Variants in SGCZ observed in about 807,000 individuals in gnomAD.
SGCZ encodes sarcoglycan zeta, also known as zeta-sarcoglycan.
SGCZ carries 40 observed loss-of-function variants against 41.3 expected under a neutral mutation model. The observed-to-expected ratio is 0.97, with a 90% CI of 0.75 to 1.26. SGCZ has a LOEUF of 1.26. Ranked by LOEUF, SGCZ falls within the 50% of genes most tolerant of loss-of-function variation. SGCZ has a pLI of 0.00. For missense variants in SGCZ, 552 were observed against 369.8 expected (o/e 1.49, Z -4.04); for synonymous variants, 206 against 137.5 (o/e 1.50, Z -3.49).
intron 1 of SGCZ, among the ~76,000 whole-genome samples, chr8:14,833,780 T>A (rs971592029): frequency 3.3e-5 from 5 of 151,378 alleles, no homozygotes; most frequent in African/African-American, 9.7e-5. Context: ...AGTCTTTCAA[T>A]CTTGGAAGAA....
intron 3 of SGCZ, among the ~76,000 whole-genome samples, chr8:14,283,394 G>C (rs1303513756): frequency 1.3e-5 from 2 of 152,140 alleles, no homozygotes; most frequent in Non-Finnish European, 2.9e-5. Flanking sequence ...GAATGCAAGA[G>C]ATGAGAATAT....
At chr8:14,722,402 A>C (rs1221305492) in intron 1 of SGCZ, among the ~76,000 whole-genome samples, 1 of 152,124 alleles carries the variant, frequency 6.6e-6, no homozygotes, top group African/African-American at 2.4e-5. Context: ...ATATTTTCTC[A>C]GAAATTGAAT....
At chr8:15,168,911 A>G (rs1799746783) in intron 1 of SGCZ, among the ~76,000 whole-genome samples, 1 of 152,236 alleles carries the variant, frequency 6.6e-6, no homozygotes, top group Admixed American at 6.5e-5. Flanking sequence ...GCATGCTGGC[A>G]AAAGGCTGAA....
At chr8:14,122,908 CT>C (rs1421984083) in intron 5 of SGCZ, among the ~76,000 whole-genome samples, 1 of 152,038 alleles carries the variant, frequency 6.6e-6, no homozygotes, top group Non-Finnish European at 1.5e-5. Flanking sequence ...GTTTATCATT[CT>C]TTTTAAAAGG....
chr8:14,831,581 C>G (rs558814045), intron 1 of SGCZ, among the ~76,000 whole-genome samples: 14 of 151,222 alleles, frequency 9.3e-5, no homozygotes, highest in Admixed American at 5.9e-4. Flanking sequence ...TTCTCCTAAA[C>G]ATGTCTACAA....
chr8:14,505,953 C>T (rs1802292393), intron 2 of SGCZ, among the ~76,000 whole-genome samples: 1 of 152,120 alleles, frequency 6.6e-6, no homozygotes, highest in East Asian at 1.9e-4. Flanking sequence ...TTTACTCTCT[C>T]ATGTGCCTAT....
At chr8:14,616,716 A>G (rs1022227202) in intron 1 of SGCZ, among the ~76,000 whole-genome samples, 2 of 152,134 alleles carry the variant, frequency 1.3e-5, no homozygotes, top group Non-Finnish European at 2.9e-5. Flanking sequence ...TTTAATTTAG[A>G]CTAGATATAA....
intron 2 of SGCZ, chr8:14,332,700 A>G (rs995115782): frequency 2.6e-5 from 4 of 151,768 alleles, no homozygotes; most frequent in Admixed American, 1.3e-4. Flanking sequence ...ACTACAAATA[A>G]GGAACCACCC....
At chr8:15,190,931 T>C (rs1417254256) in intron 1 of SGCZ, among the ~76,000 whole-genome samples, 1 of 152,040 alleles carries the variant, frequency 6.6e-6, no homozygotes, top group Non-Finnish European at 1.5e-5. Flanking sequence ...TTAGAAATAA[T>C]TAATTTCTTT....
chr8:14,485,353 C>T (rs1801644095), intron 2 of SGCZ, among the ~76,000 whole-genome samples: 1 of 152,202 alleles, frequency 6.6e-6, no homozygotes, highest in African/African-American at 2.4e-5. Flanking sequence ...TCTCCCGCCT[C>T]AGCCTCCCGA....
chr8:14,901,264 G>A (rs1410254192), intron 1 of SGCZ, among the ~76,000 whole-genome samples: 1 of 152,120 alleles, frequency 6.6e-6, no homozygotes, highest in Admixed American at 6.6e-5. Context: ...AAAATCCTGT[G>A]ATGACTCACT....
intron 1 of SGCZ, among the ~76,000 whole-genome samples, chr8:14,613,945 G>A (rs1263414074): frequency 6.6e-6 from 1 of 152,134 alleles, no homozygotes; most frequent in Admixed American, 6.5e-5. Flanking sequence ...ACAATTGAGT[G>A]ATTTATAGAT....
rs574106318 is a variant in SGCZ at position 14,923,950 on chromosome 8, C to T, written c.39+313635G>A. On this transcript the variant is annotated intron_variant, in intron 1 of 7. Coordinates refer to ENST00000382080, the MANE Select transcript of SGCZ (RefSeq NM_139167.4). ...CAGAAAGAAGCCTTCTCAGAGCTTC[C>T]CTTATGTGACAAAAGGCAGCAACTT... Among the ~76,000 whole-genome samples, 4 of 152,150 alleles carry T rather than the reference C, an allele frequency of 2.6e-5. No individual in the cohort carries two copies. The South Asian group carries it at 8.3e-4, about 32-fold the overall frequency.
chr8:15,145,188 G>T (rs891857633), intron 1 of SGCZ, among the ~76,000 whole-genome samples: 4 of 152,122 alleles, frequency 2.6e-5, no homozygotes, highest in Admixed American at 2.6e-4. Flanking sequence ...TTACGATTCT[G>T]AAATTCAGCC....
At chr8:14,337,362 A>G (rs1015566312) in intron 2 of SGCZ, among the ~76,000 whole-genome samples, 1 of 152,128 alleles carries the variant, frequency 6.6e-6, no homozygotes, top group African/African-American at 2.4e-5. Flanking sequence ...AAGCCCAATC[A>G]GCAGGTATCA....
intron 3 of SGCZ, among the ~76,000 whole-genome samples, chr8:14,264,216 C>A (rs1245992890): frequency 6.6e-6 from 1 of 152,180 alleles, no homozygotes; most frequent in Non-Finnish European, 1.5e-5. Context: ...GTGGGAATGG[C>A]TACTTAATCC....
intron 3 of SGCZ, among the ~76,000 whole-genome samples, chr8:14,243,918 T>C (rs1486557232): frequency 6.6e-6 from 1 of 152,220 alleles, no homozygotes; most frequent in Non-Finnish European, 1.5e-5. Flanking sequence ...TTCATTTAAC[T>C]GAACTGTCCT....
At chr8:14,235,788 G>A (rs566835929) in intron 4 of SGCZ, among the ~76,000 whole-genome samples, 7 of 152,248 alleles carry the variant, frequency 4.6e-5, no homozygotes, top group Admixed American at 4.6e-4. Flanking sequence ...GGGTTCGAGT[G>A]ATTCTCCAGC....
chr8:14,394,549 G>C (rs1585447319), intron 2 of SGCZ, among the ~76,000 whole-genome samples: 1 of 152,098 alleles, frequency 6.6e-6, no homozygotes, highest in African/African-American at 2.4e-5. Context: ...TGATTCCTGA[G>C]ATCATGGTTG....
Sources: allele counts gnomAD v4.1 joint callset (sites outside exome capture counted in the v4.1 genomes callset), GRCh38; gene constraint gnomAD v4.1.1; transcripts MANE v1.5; gene names NCBI Gene and HGNC (gene_info 2026-07-23, HGNC 2026-07-21).